The following TET2 variants were observed in gnomAD, a reference collection of about 807,000 sequenced individuals.
TET2 encodes the protein tet methylcytosine dioxygenase 2.
In TET2, 299 loss-of-function variants were observed where a neutral mutation model predicts 142.9. The ratio of observed to expected loss-of-function variants is 2.09; its 90% CI spans 1.90 to 2.30. The LOEUF is 2.30. Among genes scored for constraint, TET2 ranks in the 30% most tolerant of loss-of-function variants. The probability of loss-of-function intolerance (pLI) is 0.00; values close to 1 mark genes in which losing one functional copy is unlikely to be tolerated. For missense variants in TET2, 2,418 were observed against 2,378.0 expected, an observed-to-expected ratio of 1.02 and a Z score of -0.35; for synonymous variants, 819 against 849.0, an observed-to-expected ratio of 0.96 and a Z score of 0.61.
chr4:105,231,177 A>G (rs959055936), intron 2 of TET2, among the ~76,000 whole-genome samples: 15 of 152,160 alleles, frequency 9.9e-5, no homozygotes, highest in African/African-American at 3.4e-4. Context: ...GCCCCATACA[A>G]TTCTTTTTCA....
intron 1 of TET2, among the ~76,000 whole-genome samples, chr4:105,157,550 A>C (rs1723629529): frequency 6.6e-6 from 1 of 152,258 alleles, no homozygotes; most frequent in Non-Finnish European, 1.5e-5. Context: ...GCAGAAAGCA[A>C]AGCTAATAGA....
At chr4:105,218,847 T>C (rs1040222237) in intron 2 of TET2, among the ~76,000 whole-genome samples, 2 of 151,860 alleles carry the variant, frequency 1.3e-5, no homozygotes, top group African/African-American at 4.8e-5. Context: ...AATGAAAAAA[T>C]ATATATAATG....
intron 2 of TET2, among the ~76,000 whole-genome samples, chr4:105,225,493 T>G (rs1728135137): frequency 6.6e-6 from 1 of 152,134 alleles, no homozygotes; most frequent in Non-Finnish European, 1.5e-5. Context: ...GTTGTCAGCC[T>G]TTTACCTTTG....
At chr4:105,170,984 T>C (rs940510470) in intron 1 of TET2, among the ~76,000 whole-genome samples, 1 of 152,198 alleles carries the variant, frequency 6.6e-6, no homozygotes, top group East Asian at 1.9e-4. Flanking sequence ...TTGCACTGTT[T>C]CCAATATCTT....
rs1313019816 is a variant in TET2 at position 105,169,579 on chromosome 4, TTTAA to T, written c.-192-20776_-192-20773del. Among the ~76,000 whole-genome samples the T allele has an allele frequency of 4.6e-5, 7 of 152,336 alleles. No individual in the cohort carries two copies. The East Asian group carries it at 1.2e-3, about 25-fold the overall frequency. ...CTATTGCTGTGCAGAGGCTCTTTTG[TTTAA>T]TTAAGTCTCACCTATTTATCTTTGT... On this transcript the variant is annotated intron_variant, in intron 1 of 10. Coordinates refer to ENST00000380013, the MANE Select transcript of TET2 (RefSeq NM_001127208.3).
intron 9 of TET2, among the ~76,000 whole-genome samples, chr4:105,271,628 C>A (rs1560570828): frequency 6.6e-6 from 1 of 152,146 alleles, no homozygotes; most frequent in Non-Finnish European, 1.5e-5. Flanking sequence ...GAAGTTATTT[C>A]TAAAGTCAGT....
rs1225633482 is a variant in TET2 at position 105,234,734 on chromosome 4, C to T, written c.792C>T (p.Ile264=). 8.1e-6 allele frequency: 13 copies of T among 1,614,048 alleles called. No individual in the cohort carries two copies. Among genetic ancestry groups the T allele is most frequent in the Non-Finnish European group, 9.3e-6 (11 of 1,180,022 alleles). The change falls in exon 3 of 11, where the codon ATC becomes ATT. Residue 264 remains isoleucine (I), a synonymous_variant. Transcript: ENST00000380013. ...SQATNELSCE[I]THPSHTSGQI... is the part of the protein sequence containing the mutation. ...CTACTAATGAGTTGTCCTGTGAGAT[C>T]ACTCACCCATCGCATACCTCAGGGC... is the stretch of plus-strand genomic sequence containing the variant.
chr4:105,213,966 C>G (rs987595243), intron 2 of TET2, among the ~76,000 whole-genome samples: 1 of 152,072 alleles, frequency 6.6e-6, no homozygotes, highest in African/African-American at 2.4e-5. Flanking sequence ...TCAAGTGATT[C>G]TCCTGTCTCA....
chr4:105,264,425 G>T (rs2110292899), intron 8 of TET2, among the ~76,000 whole-genome samples: 1 of 152,242 alleles, frequency 6.6e-6, no homozygotes, highest in African/African-American at 2.4e-5. Context: ...TTTAATAGGT[G>T]CTGTTAATCA....
intron 2 of TET2, among the ~76,000 whole-genome samples, chr4:105,196,333 T>G (rs954301947): frequency 1.3e-5 from 2 of 152,148 alleles, no homozygotes; most frequent in Non-Finnish European, 2.9e-5. Context: ...ACTTGAAGTT[T>G]TTGCAATTAG....
chr4:105,269,742 A>C lies in TET2; in HGVS notation c.4177A>C (p.Thr1393Pro). Residue 1393 changes from threonine to proline, a missense_variant, in exon 9 of 11, where the codon ACA (threonine) becomes CCA (proline). Coordinates refer to ENST00000380013, the MANE Select transcript of TET2 (RefSeq NM_001127208.3). ...RDLHNMQNGS[T>P]LVCTLTREDN... is the part of the protein sequence containing the mutation. ...CTTGCACAACATGCAGAATGGCAGCACATTGGTAAGTTGGGCTGAGGACAG... is the reference window on the plus strand; with the variant it reads ...CTTGCACAACATGCAGAATGGCAGCCCATTGGTAAGTTGGGCTGAGGACAG... 1 of 1,551,644 alleles carries C rather than the reference A, an allele frequency of 6.4e-7. No individual in the cohort carries two copies. The highest frequency in any genetic ancestry group is 8.7e-7 in the Non-Finnish European group (1 of 1,146,918).
intron 2 of TET2, among the ~76,000 whole-genome samples, chr4:105,219,093 AAAT>A (rs1397620671): frequency 6.6e-6 from 1 of 152,050 alleles, no homozygotes; most frequent in Non-Finnish European, 1.5e-5. Context: ...TTATGTTATG[AAAT>A]AATGTTGGCA....
intron 1 of TET2, among the ~76,000 whole-genome samples, chr4:105,153,187 C>T (rs1723397167): frequency 6.6e-6 from 1 of 152,174 alleles, no homozygotes; most frequent in South Asian, 2.1e-4. Context: ...CCAGTGGCAA[C>T]ACTTTGCAAA....
intron 1 of TET2, among the ~76,000 whole-genome samples, chr4:105,160,727 G>T (rs547540890): frequency 6.6e-6 from 1 of 152,276 alleles, no homozygotes; most frequent in Non-Finnish European, 1.5e-5. Context: ...TTTCCCAAGA[G>T]CTAAACCAAG....
intron 9 of TET2, among the ~76,000 whole-genome samples, chr4:105,270,891 CAT>C (rs1047373314): frequency 1.1e-4 from 17 of 152,096 alleles, no homozygotes; most frequent in Non-Finnish European, 2.2e-4. Context: ...GAATTAAAGT[CAT>C]ATTCTAGGGC....
intron 4 of TET2, 146 bp downstream of exon 4, chr4:105,241,575 C>T: frequency 7.0e-7 from 1 of 1,422,706 alleles, no homozygotes; most frequent in Non-Finnish European, 9.2e-7. Flanking sequence ...GCCAACACTA[C>T]ACACTGTGCT....
rs1731210671 is a variant in TET2 at position 105,276,131 on chromosome 4, A to T, written c.5621A>T (p.Glu1874Val). 2 of 1,551,502 alleles carry T rather than the reference A, an allele frequency of 1.3e-6. No homozygotes were observed. The highest frequency in any genetic ancestry group is 1.7e-6 in the Non-Finnish European group (2 of 1,146,980). ...VAPTHGSILI[E>V]CAKRELHATT... is the part of the protein sequence containing the mutation. ...CCAACTCATGGGTCAATTCTCATTG[A>T]GTGTGCAAAGCGTGAGCTGCATGCC... is the stretch of plus-strand genomic sequence containing the variant. The change falls in exon 11 of 11, where the codon GAG becomes GTG. Residue 1874 changes from glutamate (E) to valine (V), a missense_variant. Physicochemically the swap from Glu to Val is moderately radical, Grantham distance 121 (BLOSUM62 -2). Coordinates refer to ENST00000380013, the MANE Select transcript of TET2 (RefSeq NM_001127208.3).
In TET2 at chr4:105,272,606, A is replaced by G. The variant is rs1314000056; in HGVS notation, c.4225A>G (p.Lys1409Glu). The G allele has an allele frequency of 6.5e-7, 1 of 1,547,994 alleles. No homozygotes were observed. The highest frequency in any genetic ancestry group is 8.7e-7 in the Non-Finnish European group (1 of 1,145,886). ...TREDNREFGG[K>E]PEDEQLHVLP... ...AGAAGACAATCGAGAATTTGGAGGA[A>G]AACCTGAGGATGAGCAGCTTCACGT... The change falls in exon 10 of 11, where the codon AAA (lysine) becomes GAA (glutamate). Residue 1409 changes from lysine to glutamate, a missense_variant. Coordinates refer to ENST00000380013, the MANE Select transcript of TET2 (RefSeq NM_001127208.3).
At chr4:105,150,423 G>A (rs915429599) in intron 1 of TET2, among the ~76,000 whole-genome samples, 10 of 152,184 alleles carry the variant, frequency 6.6e-5, no homozygotes, top group African/African-American at 2.2e-4. Flanking sequence ...AAATAACCAT[G>A]TAGACTGTTT....
Sources: gnomAD v4.1 joint callset for allele counts (sites outside exome capture counted in the v4.1 genomes callset) on GRCh38, gnomAD v4.1.1 for gene constraint, MANE v1.5 for transcripts, NCBI Gene and HGNC (gene_info 2026-07-23, HGNC 2026-07-21) for gene names.